Variants in LINGO2 observed in about 807,000 individuals in gnomAD.
LINGO2 encodes leucine-rich repeat and immunoglobulin-like domain-containing nogo receptor-interacting protein 2.
LINGO2 carries 14 observed loss-of-function variants against 30.6 expected under a neutral mutation model. That is an observed-to-expected ratio of 0.46 (90% CI 0.30 to 0.72). The LOEUF is 0.72. Ranked by LOEUF, LINGO2 falls within the 30% of genes least tolerant of loss-of-function variation. The probability of loss-of-function intolerance (pLI) is 0.07; values close to 1 mark genes in which losing one functional copy is unlikely to be tolerated. For synonymous variants in LINGO2, 317 were observed against 288.5 expected (o/e 1.10, Z -1.00); for missense variants, 729 against 751.7 (o/e 0.97, Z 0.35).
chr9:28,558,008 A>C, intron 1 of LINGO2, among the ~76,000 whole-genome samples: 1 of 56,634 alleles, frequency 1.8e-5, no homozygotes. Flanking sequence ...GGGTGGGGGG[A>C]GGGGGGAGGG....
At chr9:28,221,805 T>G (rs1820975387) in intron 4 of LINGO2, among the ~76,000 whole-genome samples, 1 of 152,218 alleles carries the variant, frequency 6.6e-6, no homozygotes, top group Admixed American at 6.5e-5. Flanking sequence ...CATTCACTGA[T>G]ATACCAAGTT....
At chr9:28,438,116 T>C (rs545654079) in intron 2 of LINGO2, among the ~76,000 whole-genome samples, 5 of 151,832 alleles carry the variant, frequency 3.3e-5, no homozygotes, top group Non-Finnish European at 7.4e-5. Flanking sequence ...TCTGATTATA[T>C]TGATTTCTAT....
chr9:28,454,844 C>T lies in LINGO2; in HGVS notation c.-279+21096G>A, dbSNP rs188199580. Reference sequence around the variant, plus strand: ...TCTGAAACTTCTTTTTTCCTTAGGACAATTTTAATATAGATGAAAGAGCTT... The same window carrying T: ...TCTGAAACTTCTTTTTTCCTTAGGATAATTTTAATATAGATGAAAGAGCTT... On this transcript the variant is annotated intron_variant, in intron 2 of 5. Transcript: ENST00000379992. Among the ~76,000 whole-genome samples, 3 of 151,928 alleles carry T rather than the reference C, an allele frequency of 2.0e-5. No individual in the cohort carries two copies. In the East Asian group the frequency reaches 5.8e-4, roughly 29 times the overall value.
At chr9:28,364,834 C>G (rs1175816735) in intron 3 of LINGO2, among the ~76,000 whole-genome samples, 2 of 152,118 alleles carry the variant, frequency 1.3e-5, no homozygotes, top group African/African-American at 4.8e-5. Context: ...TTTTTTAGAT[C>G]AGTTGTTTAA....
chr9:28,969,403 G>T, the LINGO2 span, among the ~76,000 whole-genome samples: 1 of 152,170 alleles, frequency 6.6e-6, no homozygotes, highest in Admixed American at 6.5e-5. Flanking sequence ...CTGAAGCAGG[G>T]CTAGGAAAAT....
chr9:28,502,589 A>G (rs974944035), intron 1 of LINGO2, among the ~76,000 whole-genome samples: 1 of 152,094 alleles, frequency 6.6e-6, no homozygotes, highest in Admixed American at 6.6e-5. Context: ...AAAAAACTAT[A>G]AAATATGTCT....
the LINGO2 span, among the ~76,000 whole-genome samples, chr9:29,110,836 G>A: frequency 0.23 from 35,488 of 151,284 alleles, 4,244 homozygotes; most frequent in East Asian, 0.4. Flanking sequence ...GACTACAGGC[G>A]CTCGCCACCA....
intron 3 of LINGO2, among the ~76,000 whole-genome samples, chr9:28,307,359 G>T: frequency 6.6e-6 from 1 of 151,944 alleles, no homozygotes; most frequent in Non-Finnish European, 1.5e-5. Flanking sequence ...TGCAGAAAAG[G>T]CCTTTGACAA....
chr9:29,127,327 A>T, the LINGO2 span, among the ~76,000 whole-genome samples: 1 of 152,062 alleles, frequency 6.6e-6, no homozygotes, highest in African/African-American at 2.4e-5. Flanking sequence ...TGTAGTCAAG[A>T]CCCTCCACTG....
chr9:28,531,628 A>T (rs1821241079), intron 1 of LINGO2, among the ~76,000 whole-genome samples: 1 of 152,196 alleles, frequency 6.6e-6, no homozygotes, highest in Non-Finnish European at 1.5e-5. Context: ...AGATCAGATC[A>T]GAAATATTTA....
At chr9:29,002,774 A>C in the LINGO2 span, among the ~76,000 whole-genome samples, 1 of 151,726 alleles carries the variant, frequency 6.6e-6, no homozygotes. Flanking sequence ...TTCCCATTTC[A>C]ATCTCCCCTC....
the LINGO2 span, among the ~76,000 whole-genome samples, chr9:28,880,930 A>C: frequency 1.4e-4 from 22 of 152,180 alleles, no homozygotes; most frequent in South Asian, 2.1e-4. Context: ...CCTTGAACTT[A>C]ATTATGACAT....
intron 1 of LINGO2, among the ~76,000 whole-genome samples, chr9:28,623,601 T>C (rs1424425055): frequency 1.3e-5 from 2 of 152,136 alleles, no homozygotes; most frequent in Admixed American, 6.6e-5. Context: ...AGTATAGCTC[T>C]GTAGTGTAAT....
the LINGO2 span, among the ~76,000 whole-genome samples, chr9:28,930,995 C>A: frequency 6.6e-6 from 1 of 152,158 alleles, no homozygotes; most frequent in African/African-American, 2.4e-5. This position sits in a 1 kb window ranked among gnomAD's most constrained non-coding sequence, Gnocchi z 4.2. Context: ...TGAGCCATTC[C>A]TTCTTCTGGC....
the LINGO2 span, among the ~76,000 whole-genome samples, chr9:29,130,972 CCT>C: frequency 1.3e-5 from 2 of 152,118 alleles, no homozygotes; most frequent in African/African-American, 4.8e-5. Flanking sequence ...CTGTGGAAGA[CCT>C]TAAGCAGCTG....
At chr9:29,002,905 G>A in the LINGO2 span, among the ~76,000 whole-genome samples, 10 of 152,074 alleles carry the variant, frequency 6.6e-5, no homozygotes, top group African/African-American at 2.2e-4. Context: ...CTTTGAGTGT[G>A]ACCTTATTTG....
At chr9:28,995,411 C>T in the LINGO2 span, among the ~76,000 whole-genome samples, 67 of 152,318 alleles carry the variant, frequency 4.4e-4, no homozygotes, top group African/African-American at 1.6e-3. Context: ...AACACTTTGA[C>T]ACTGCTGGTG....
Position 28,083,715 on chromosome 9 carries a change from A to G in LINGO2, c.-86-71310T>C, listed in dbSNP as rs10968334. On this transcript the variant is annotated intron_variant, in intron 4 of 5. Coordinates refer to ENST00000379992, the Ensembl canonical transcript of LINGO2. The stretch of plus-strand genomic sequence containing the variant: ...TCTCAACTTTTGTTACCGATGCCAC[A>G]TTAAGGGCATACATATCAAATTTAA... 1.5e-3 allele frequency among the ~76,000 whole-genome samples: 227 copies of G among 152,314 alleles called. 5 individuals carry two copies. The East Asian group carries it at 0.041, about 27-fold the overall frequency.
At chr9:28,567,112 G>A (rs1221331980) in intron 1 of LINGO2, among the ~76,000 whole-genome samples, 1 of 152,126 alleles carries the variant, frequency 6.6e-6, no homozygotes, top group Non-Finnish European at 1.5e-5. Context: ...TTTATAGTCA[G>A]AATTTTTTTG....
Sources: gnomAD v4.1 joint callset for allele counts (sites outside exome capture counted in the v4.1 genomes callset) on GRCh38, gnomAD v4.1.1 for gene constraint, Gnocchi (gnomAD v3.1) non-coding constraint, MANE v1.5 for transcripts, NCBI Gene and HGNC (gene_info 2026-07-23, HGNC 2026-07-21) for gene names.